The following TET1 variants were observed in gnomAD, a reference collection of about 807,000 sequenced individuals.
TET1 encodes methylcytosine dioxygenase TET1.
Under a neutral mutation model 148.7 loss-of-function variants are expected in TET1, and 13 were observed. The observed-to-expected ratio is 0.09, with a 90% CI of 0.06 to 0.14. The LOEUF is 0.14. Ranked by LOEUF, TET1 falls within the 10% of genes least tolerant of loss-of-function variation. The pLI is 1.00. For synonymous variants in TET1, 907 were observed against 937.2 expected, an observed-to-expected ratio of 0.97 and a Z score of 0.59; for missense variants, 2,182 against 2,553.8, an observed-to-expected ratio of 0.85 and a Z score of 3.14.
At chr10:68,631,886 C>A (rs1038284053) in intron 3 of TET1, among the ~76,000 whole-genome samples, 2 of 151,824 alleles carry the variant, frequency 1.3e-5, no homozygotes, top group Non-Finnish European at 2.9e-5. Context: ...AAAGCCTAAA[C>A]GTTGATTGGT....
At chr10:68,676,264 ATATATTTTTTTTTTTTTTTT>A (rs1340596675) in intron 8 of TET1, among the ~76,000 whole-genome samples, 8 of 15,416 alleles carry the variant, frequency 5.2e-4, no homozygotes, top group African/African-American at 1.3e-3. Context: ...ATATATATAT[ATATATTTTTTTTTTTTTTTT>A]TTTTTTTTTT....
chr10:68,690,724 A>G, intron 11 of TET1, 84 bp from the exon 12 acceptor site: 2 of 1,356,564 alleles, frequency 1.5e-6, no homozygotes, highest in Non-Finnish European at 2.0e-6. Context: ...AATTCTTTGT[A>G]CTTGTCTTTG....
intron 3 of TET1, among the ~76,000 whole-genome samples, chr10:68,628,153 G>A (rs529999997): frequency 6.6e-6 from 1 of 152,230 alleles, no homozygotes; most frequent in Admixed American, 6.5e-5. Context: ...CGCCATGTTG[G>A]CCAGGCTGGT....
chr10:68,660,425 C>T (rs1436825323), intron 6 of TET1, among the ~76,000 whole-genome samples: 2 of 147,684 alleles, frequency 1.4e-5, no homozygotes, highest in Non-Finnish European at 3.0e-5. Flanking sequence ...CTGCGACCAC[C>T]ATCTCCTGGT....
At chr10:68,583,044 G>A (rs983091589) in intron 2 of TET1, among the ~76,000 whole-genome samples, 2 of 152,088 alleles carry the variant, frequency 1.3e-5, no homozygotes, top group African/African-American at 2.4e-5. Context: ...CTGTCATTTC[G>A]TATGTGTTAT....
intron 1 of TET1, among the ~76,000 whole-genome samples, chr10:68,566,581 A>C (rs1188019318): frequency 6.6e-6 from 1 of 152,100 alleles, no homozygotes; most frequent in Admixed American, 6.6e-5. Context: ...TATTTAGTAC[A>C]GATTTATCAA....
intron 8 of TET1, 39 bp from the exon 9 acceptor site, chr10:68,681,360 G>C (rs1381126010): frequency 1.5e-6 from 2 of 1,332,892 alleles, no homozygotes; most frequent in Admixed American, 3.4e-5. Flanking sequence ...ACATGAAGGT[G>C]CGATTATAAA....
At chr10:68,607,070 G>T (rs1009718545) in intron 3 of TET1, among the ~76,000 whole-genome samples, 1 of 151,804 alleles carries the variant, frequency 6.6e-6, no homozygotes, top group African/African-American at 2.4e-5. Flanking sequence ...CAAGACTCAT[G>T]TCCATTCTGT....
chr10:68,614,232 T>C (rs1337390940), intron 3 of TET1, among the ~76,000 whole-genome samples: 1 of 152,166 alleles, frequency 6.6e-6, no homozygotes, highest in Non-Finnish European at 1.5e-5. Flanking sequence ...TGGGCCACAT[T>C]TTCTAAGATG....
At chr10:68,679,275 T>A (rs2055404792) in intron 8 of TET1, among the ~76,000 whole-genome samples, 1 of 152,218 alleles carries the variant, frequency 6.6e-6, no homozygotes, top group African/African-American at 2.4e-5. Context: ...TTTCAGTGCT[T>A]CTACACAATA....
chr10:68,622,261 C>A (rs2054388293), intron 3 of TET1, among the ~76,000 whole-genome samples: 1 of 138,726 alleles, frequency 7.2e-6, no homozygotes, highest in African/African-American at 2.7e-5. Flanking sequence ...CTCCTTCCCT[C>A]TCTCCCTCTT....
chr10:68,617,989 A>G (rs1332477516), intron 3 of TET1, among the ~76,000 whole-genome samples: 1 of 150,606 alleles, frequency 6.6e-6, no homozygotes, highest in Admixed American at 6.6e-5. Context: ...TAGTACAATT[A>G]TGGCTCATTG....
rs1358644470 is a variant in TET1, at chr10:68,693,267, T to C, written c.*1453T>C. ...CAACATGTTTCGAACAAGGAGAATTTTCAATGAAATACTTGATTCTGTTAA... is the reference window on the plus strand; with the variant it reads ...CAACATGTTTCGAACAAGGAGAATTCTCAATGAAATACTTGATTCTGTTAA... On this transcript the variant is annotated 3_prime_UTR_variant, in exon 12 of 12. Transcript: ENST00000373644. The C allele has an allele frequency of 8.6e-6, 2 of 232,864 alleles. No individual in the cohort carries two copies. The highest frequency in any genetic ancestry group is 1.7e-5 in the Non-Finnish European group (2 of 117,782). The allele number at this position is 232,864 out of a possible 1,614,324, so 14.4% of individuals were successfully genotyped here.
Position 68,667,160 on chromosome 10 carries a change from C to G in TET1, c.4577C>G (p.Pro1526Arg). The G allele has an allele frequency of 1.2e-6, 2 of 1,614,108 alleles. No individual in the cohort carries two copies. The highest frequency in any genetic ancestry group is 1.7e-6 in the Non-Finnish European group (2 of 1,180,034). ...VVLIMVWDGIPLPMADRLYTE... is the reference protein window; with the variant it reads ...VVLIMVWDGIRLPMADRLYTE... ...CTCATCATGGTGTGGGATGGCATCCCTCTTCCAATGGCCGACCGGCTATAC... is the reference window on the plus strand; with the variant it reads ...CTCATCATGGTGTGGGATGGCATCCGTCTTCCAATGGCCGACCGGCTATAC... Residue 1526 changes from proline to arginine, a missense_variant, in exon 7 of 12, where the codon CCT becomes CGT. Around this residue, in one of 11 missense-constraint regions of TET1, gnomAD observed 169 missense variants for 263.7 expected, o/e 0.64. Coordinates refer to ENST00000373644, the MANE Select transcript of TET1 (RefSeq NM_030625.3).
At position 68,693,629 on chromosome 10, in the gene TET1, T is replaced by C. The variant is rs915114871; in HGVS notation, c.*1815T>C. ...TAAAATAGGGTAATTCATTGACTTG[T>C]TTTAGTATTTTGTGTGCCTTAGATT... On this transcript the variant is annotated 3_prime_UTR_variant, in exon 12 of 12. Transcript: ENST00000373644. The C allele has an allele frequency of 2.6e-5, 6 of 232,324 alleles. No homozygotes were observed. The Admixed American group carries it at 3.4e-4, about 13-fold the overall frequency. 14.4% of individuals were successfully genotyped at this position (232,324 alleles called of 1,614,324 possible).
chr10:68,637,518 CTTT>C (rs34260111), intron 3 of TET1, among the ~76,000 whole-genome samples: 4 of 106,372 alleles, frequency 3.8e-5, no homozygotes, highest in African/African-American at 1.1e-4. Context: ...GTTTCCTATT[CTTT>C]TTTTTTTTTT....
At chr10:68,585,075 GCTCAC>G (rs2053846123) in intron 2 of TET1, among the ~76,000 whole-genome samples, 1 of 152,072 alleles carries the variant, frequency 6.6e-6, no homozygotes. Flanking sequence ...CATGATCTTG[GCTCAC>G]TGAATCCTCT....
intron 6 of TET1, among the ~76,000 whole-genome samples, chr10:68,663,431 A>G (rs187175714): frequency 4.6e-5 from 7 of 152,320 alleles, no homozygotes; most frequent in African/African-American, 1.4e-4. Flanking sequence ...TTCCCACTAT[A>G]TAGTAAAGCT....
At chr10:68,578,539 G>A (rs1238936578) in intron 2 of TET1, among the ~76,000 whole-genome samples, 2 of 152,036 alleles carry the variant, frequency 1.3e-5, no homozygotes, top group Non-Finnish European at 2.9e-5. Flanking sequence ...ATTACTGCGC[G>A]TGGCTGATTT....
Sources: gnomAD v4.1 joint callset for allele counts (sites outside exome capture counted in the v4.1 genomes callset) on GRCh38, gnomAD v4.1.1 for gene constraint, gnomAD v4.1.1 regional missense constraint, MANE v1.5 for transcripts, NCBI Gene and HGNC (gene_info 2026-07-23, HGNC 2026-07-21) for gene names.